The following RAI14 variants were observed in gnomAD, a reference collection of about 807,000 sequenced individuals.
RAI14 encodes the protein retinoic acid induced 14, also known as ankycorbin.
RAI14 carries 45 observed loss-of-function variants against 115.4 expected under a neutral mutation model. The observed-to-expected ratio is 0.39, with a 90% confidence interval of 0.31 to 0.50. The LOEUF (loss-of-function observed/expected upper bound fraction) is 0.50, where lower values mean the gene tolerates loss of function less well. Among genes scored for constraint, RAI14 ranks in the 20% least tolerant of loss-of-function variants. The probability of loss-of-function intolerance (pLI) is 0.85; values close to 1 mark genes in which losing one functional copy is unlikely to be tolerated. For missense variants in RAI14, 939 were observed against 1,131.2 expected (o/e 0.83, Z 2.44); for synonymous variants, 371 against 415.4 (o/e 0.89, Z 1.30).
chr5:34,676,387 G>A (rs563577770), intron 1 of RAI14, among the ~76,000 whole-genome samples: 3 of 152,312 alleles, frequency 2.0e-5, no homozygotes, highest in East Asian at 3.9e-4. Context: ...GCATTTTAGA[G>A]ATCATCTTAA....
chr5:34,684,546 G>A (rs1744646125), intron 1 of RAI14: 1 of 152,246 alleles, frequency 6.6e-6, no homozygotes, highest in Non-Finnish European at 1.5e-5. Flanking sequence ...AAGATTGAAA[G>A]GGGCCATGGA....
chr5:34,729,589 G>A (rs1030428383), intron 2 of RAI14, among the ~76,000 whole-genome samples: 22 of 152,230 alleles, frequency 1.4e-4, no homozygotes, highest in African/African-American at 5.3e-4. Flanking sequence ...CTTGAATCTG[G>A]TCAGCCTCTA....
At position 34,826,833 on chromosome 5, in the gene RAI14, G is replaced by A. The variant is rs556288757; in HGVS notation, c.2799+354G>A. 2.6e-5 allele frequency among the ~76,000 whole-genome samples: 4 copies of A among 152,078 alleles called. No homozygotes were observed. The South Asian group carries it at 8.3e-4, about 32-fold the overall frequency. Reference sequence around the variant, plus strand: ...GTGGCAAGAGCTTTTTCTTGTTAGGGGCCAGGATCTCTAGTAGTTGCATCT... The same window carrying A: ...GTGGCAAGAGCTTTTTCTTGTTAGGAGCCAGGATCTCTAGTAGTTGCATCT... On this transcript the variant is annotated intron_variant, in intron 16 of 17. Transcript: ENST00000265109.
At chr5:34,773,729 G>A (rs905336329) in intron 3 of RAI14, among the ~76,000 whole-genome samples, 8 of 152,132 alleles carry the variant, frequency 5.3e-5, no homozygotes, top group African/African-American at 1.9e-4. Flanking sequence ...CAGTTAGAAT[G>A]ACTATTATTA....
At chr5:34,757,782 C>T (rs1468222167) in intron 3 of RAI14, 184 bp downstream of exon 3, 2 of 707,840 alleles carry the variant, frequency 2.8e-6, no homozygotes, top group Non-Finnish European at 4.1e-6. Flanking sequence ...TGGAGCTCTA[C>T]CTTGAATGGG....
At chr5:34,772,983 A>G (rs961551836) in intron 3 of RAI14, among the ~76,000 whole-genome samples, 3 of 152,184 alleles carry the variant, frequency 2.0e-5, no homozygotes, top group Admixed American at 2.0e-4. Flanking sequence ...CCATTTTGCT[A>G]CATTGCTGCT....
chr5:34,740,138 TA>T (rs1441197186), intron 2 of RAI14, among the ~76,000 whole-genome samples: 1 of 152,166 alleles, frequency 6.6e-6, no homozygotes, highest in Non-Finnish European at 1.5e-5. Flanking sequence ...TGACTTTCAG[TA>T]AAAAATGTAA....
chr5:34,815,303 C>T (rs1359542999), intron 12 of RAI14, among the ~76,000 whole-genome samples: 1 of 152,170 alleles, frequency 6.6e-6, no homozygotes, highest in East Asian at 1.9e-4. Context: ...ATCACTTACA[C>T]CCAAGAGGCA....
intron 2 of RAI14, among the ~76,000 whole-genome samples, chr5:34,726,723 G>A (rs1369333803): frequency 1.5e-5 from 2 of 131,356 alleles, no homozygotes; most frequent in East Asian, 4.2e-4. Flanking sequence ...GAGATCTGAT[G>A]GTTTTATAAA....
chr5:34,766,240 A>G (rs1749337258), intron 3 of RAI14, among the ~76,000 whole-genome samples: 1 of 152,148 alleles, frequency 6.6e-6, no homozygotes, highest in African/African-American at 2.4e-5. Flanking sequence ...GAGGGCCACA[A>G]TCCTCCAGCC....
intron 4 of RAI14, among the ~76,000 whole-genome samples, chr5:34,801,556 A>G (rs1754260999): frequency 6.6e-6 from 1 of 152,136 alleles, no homozygotes; most frequent in South Asian, 2.1e-4. Context: ...AGCCTGGCCA[A>G]CATGGTGAAA....
chr5:34,725,522 G>A (rs1253266527), intron 2 of RAI14, among the ~76,000 whole-genome samples: 1 of 151,888 alleles, frequency 6.6e-6, no homozygotes, highest in African/African-American at 2.4e-5. Context: ...GCAAATACCA[G>A]ACAGAAAATA....
chr5:34,711,152 A>C (rs1895460), intron 2 of RAI14, among the ~76,000 whole-genome samples: 83,167 of 151,968 alleles, frequency 0.55, 23,041 homozygotes, highest in African/African-American at 0.63. Flanking sequence ...GTGAAGAGAC[A>C]ACCAAACAGG....
chr5:34,749,290 G>A (rs373545580), intron 2 of RAI14, among the ~76,000 whole-genome samples: 11 of 152,338 alleles, frequency 7.2e-5, no homozygotes, highest in African/African-American at 2.4e-4. Context: ...GTGATGGTTA[G>A]GGTTTTGGCA....
rs1193254693 is a variant in RAI14 at position 34,746,830 on chromosome 5, A to AT, written c.37-10636dup. On this transcript the variant is annotated intron_variant, in intron 2 of 17. Transcript: ENST00000265109. ...CTCAACTTGAATTGTATCTCTCAGA[A>AT]TTCTCACATGTTGTTGGAGGGACCC... Among the ~76,000 whole-genome samples, 5 of 152,264 alleles carry AT rather than the reference A, an allele frequency of 3.3e-5. No homozygotes were observed. The East Asian group carries it at 7.7e-4, about 24-fold the overall frequency.
chr5:34,825,331 A>G (rs932441191), intron 15 of RAI14, among the ~76,000 whole-genome samples: 2 of 152,150 alleles, frequency 1.3e-5, no homozygotes, highest in African/African-American at 4.8e-5. Context: ...ATACTAAAGC[A>G]TTTTCATATA....
intron 2 of RAI14, among the ~76,000 whole-genome samples, chr5:34,732,520 C>T (rs1223670805): frequency 1.3e-5 from 2 of 150,688 alleles, no homozygotes; most frequent in African/African-American, 4.9e-5. Flanking sequence ...CTCACTGCAC[C>T]CTCTGCCTCC....
intron 4 of RAI14, among the ~76,000 whole-genome samples, chr5:34,803,146 A>G (rs1031424598): frequency 6.6e-5 from 10 of 152,230 alleles, no homozygotes; most frequent in African/African-American, 1.9e-4. Context: ...GCAAGTGTCT[A>G]GCCTGGAGCT....
intron 3 of RAI14, among the ~76,000 whole-genome samples, chr5:34,787,206 T>G (rs971598878): frequency 1.3e-5 from 2 of 152,178 alleles, no homozygotes; most frequent in South Asian, 2.1e-4. Flanking sequence ...ATGGCCAGAT[T>G]TGGGGGCCTG....
Sources: gnomAD v4.1 joint callset for allele counts (sites outside exome capture counted in the v4.1 genomes callset) on GRCh38, gnomAD v4.1.1 for gene constraint, MANE v1.5 for transcripts, NCBI Gene and HGNC (gene_info 2026-07-23, HGNC 2026-07-21) for gene names.